Variants in ATXN7L1 observed in about 807,000 individuals in gnomAD.
ATXN7L1 encodes the protein ataxin-7-like protein 1.
ATXN7L1 carries 15 observed loss-of-function variants against 70.8 expected under a neutral mutation model. That is an observed-to-expected ratio of 0.21 (90% CI 0.14 to 0.33). The LOEUF (loss-of-function observed/expected upper bound fraction) is 0.33. Ranked by LOEUF, ATXN7L1 falls within the 10% of genes least tolerant of loss-of-function variation. The probability of loss-of-function intolerance (pLI) is 1.00; values close to 1 mark genes in which losing one functional copy is unlikely to be tolerated. For synonymous variants in ATXN7L1, 440 were observed against 445.1 expected, an observed-to-expected ratio of 0.99 and a Z score of 0.14; for missense variants, 975 against 1,097.1, an observed-to-expected ratio of 0.89 and a Z score of 1.57.
At chr7:105,747,970 T>C (rs142675131) in intron 3 of ATXN7L1, among the ~76,000 whole-genome samples, 3,990 of 152,096 alleles carry the variant, frequency 0.026, 75 homozygotes, top group Non-Finnish European at 0.039. Flanking sequence ...AAATACAAAA[T>C]TAGCCAGGTG....
At chr7:105,801,987 GA>G (rs781775849) in intron 2 of ATXN7L1, among the ~76,000 whole-genome samples, 32 of 152,154 alleles carry the variant, frequency 2.1e-4, no homozygotes, top group South Asian at 8.3e-4. Flanking sequence ...TAGGTCCGGG[GA>G]AGGTTTGGGG....
At chr7:105,769,620 C>G (rs1206030839) in intron 3 of ATXN7L1, among the ~76,000 whole-genome samples, 1 of 152,086 alleles carries the variant, frequency 6.6e-6, no homozygotes, top group Non-Finnish European at 1.5e-5. Flanking sequence ...TAAGGGATTT[C>G]CCAGGACAAG....
chr7:105,834,679 T>G (rs953883912), intron 2 of ATXN7L1, among the ~76,000 whole-genome samples: 24 of 152,192 alleles, frequency 1.6e-4, no homozygotes, highest in African/African-American at 5.5e-4. Flanking sequence ...AGAGAGCAAC[T>G]GCTTTGCTCT....
At chr7:105,717,786 G>T (rs900863839) in intron 3 of ATXN7L1, among the ~76,000 whole-genome samples, 2 of 152,082 alleles carry the variant, frequency 1.3e-5, no homozygotes, top group Non-Finnish European at 2.9e-5. Context: ...TGTAACTTTT[G>T]TTCTTAACTG....
At chr7:105,663,678 T>G (rs1802061799) in intron 4 of ATXN7L1, among the ~76,000 whole-genome samples, 1 of 152,226 alleles carries the variant, frequency 6.6e-6, no homozygotes, top group African/African-American at 2.4e-5. Context: ...GTTTTAAGTT[T>G]GGTTTCCTAG....
intron 3 of ATXN7L1, among the ~76,000 whole-genome samples, chr7:105,682,267 T>C (rs1199784109): frequency 3.3e-5 from 5 of 152,060 alleles, no homozygotes; most frequent in Non-Finnish European, 5.9e-5. Flanking sequence ...AGGATGGTGG[T>C]GATGGTTGCA....
intron 3 of ATXN7L1, among the ~76,000 whole-genome samples, chr7:105,695,120 C>G (rs1204148903): frequency 6.6e-6 from 1 of 151,762 alleles, no homozygotes; most frequent in African/African-American, 2.4e-5. Flanking sequence ...CATTGCATCT[C>G]TACTAAAAAT....
intron 4 of ATXN7L1, among the ~76,000 whole-genome samples, chr7:105,656,563 TTTC>T (rs939254954): frequency 5.4e-5 from 8 of 147,834 alleles, no homozygotes; most frequent in Middle Eastern, 3.5e-3. Context: ...TGTTTTCCCC[TTTC>T]TTCTTCTTCC....
rs1454350099 is a variant in ATXN7L1, at chr7:105,694,016, GA to G, written c.356-28729del. Reference sequence around the variant, plus strand: ...GAGGAGGGTGGAAGGGATGCAGCAAGAGAGAAGTTTCAGGTCCTGAGGGAGA... The same window carrying G: ...GAGGAGGGTGGAAGGGATGCAGCAAGGAGAAGTTTCAGGTCCTGAGGGAGA... On this transcript the variant is annotated intron_variant, in intron 3 of 11. Transcript: ENST00000419735. 5.3e-5 allele frequency among the ~76,000 whole-genome samples: 8 copies of G among 151,834 alleles called. No homozygotes were observed. In the East Asian group the frequency reaches 1.4e-3, roughly 26 times the overall value.
At chr7:105,731,521 G>A (rs1245015895) in intron 3 of ATXN7L1, among the ~76,000 whole-genome samples, 1 of 146,008 alleles carries the variant, frequency 6.8e-6, no homozygotes, top group Admixed American at 7.2e-5. Flanking sequence ...TGCAACCTCC[G>A]CGTCCTGGGT....
chr7:105,790,606 TTATCTATCTATCTATC>T (rs55703123), intron 2 of ATXN7L1, among the ~76,000 whole-genome samples: 8 of 133,556 alleles, frequency 6.0e-5, no homozygotes, highest in Admixed American at 1.5e-4. Context: ...AAGAAAAAAA[TTATCTATCTATCTATC>T]TATCTATCTA....
chr7:105,868,911 C>T (rs1817862992), intron 2 of ATXN7L1, among the ~76,000 whole-genome samples: 1 of 152,182 alleles, frequency 6.6e-6, no homozygotes, highest in Non-Finnish European at 1.5e-5. Flanking sequence ...ATTCTAGCTT[C>T]CTGTTGTGGA....
In ATXN7L1 at chr7:105,645,268, TACC is replaced by T. The variant is rs975777101; in HGVS notation, c.579-2150_579-2148del. The stretch of plus-strand genomic sequence containing the variant: ...GGTAAATTTTATGTTATGCTTATTT[TACC>T]ACAATTAAAAATGTTTTACATGTAC... On this transcript the variant is annotated intron_variant, in intron 4 of 11. Coordinates refer to ENST00000419735, the MANE Select transcript of ATXN7L1 (RefSeq NM_020725.2). Among the ~76,000 whole-genome samples the T allele has an allele frequency of 2.4e-3, 373 of 152,324 alleles. 2 individuals carry two copies. The highest frequency in any genetic ancestry group is 8.7e-3 in the African/African-American group (360 of 41,574).
intron 2 of ATXN7L1, among the ~76,000 whole-genome samples, chr7:105,863,190 C>T (rs372105459): frequency 9.8e-5 from 15 of 152,308 alleles, no homozygotes; most frequent in Non-Finnish European, 2.1e-4. Flanking sequence ...CCTGGAGTTG[C>T]TTGGCAACCA....
At chr7:105,670,618 G>GA (rs778982406) in intron 3 of ATXN7L1, among the ~76,000 whole-genome samples, 17 of 151,672 alleles carry the variant, frequency 1.1e-4, no homozygotes, top group Non-Finnish European at 2.1e-4. Context: ...ACATGGCGCA[G>GA]ATTATTTAGC....
chr7:105,776,493 ACC>A (rs33932326), intron 3 of ATXN7L1, among the ~76,000 whole-genome samples: 2,027 of 143,912 alleles, frequency 0.014, 48 homozygotes, highest in East Asian at 0.11. Flanking sequence ...CAAACAAACA[ACC>A]CCCCCCCCAA....
In ATXN7L1 at chr7:105,676,283, G is replaced by A. The variant is rs1330213287; in HGVS notation, c.356-10995C>T. 2.0e-5 allele frequency among the ~76,000 whole-genome samples: 3 copies of A among 152,280 alleles called. No homozygotes were observed. In the East Asian group the frequency reaches 5.8e-4, roughly 29 times the overall value. On this transcript the variant is annotated intron_variant, in intron 3 of 11. Coordinates refer to ENST00000419735, the MANE Select transcript of ATXN7L1 (RefSeq NM_020725.2). The stretch of plus-strand genomic sequence containing the variant: ...CATGGCACTGAACTTCTCCATCAGA[G>A]TAGCCCCCTCCAAAACCACAAACAC...
chr7:105,617,151 T>C (rs1794033351), intron 9 of ATXN7L1, among the ~76,000 whole-genome samples: 1 of 152,098 alleles, frequency 6.6e-6, no homozygotes, highest in African/African-American at 2.4e-5. Flanking sequence ...CTCAGCCTCC[T>C]GAGTAGCTGG....
intron 3 of ATXN7L1, among the ~76,000 whole-genome samples, chr7:105,729,736 CTTT>C (rs55774943): frequency 7.7e-6 from 1 of 129,528 alleles, no homozygotes. Flanking sequence ...GGCACCACTT[CTTT>C]TTTTTTTTTT....
Sources: gnomAD v4.1 joint callset for allele counts (sites outside exome capture counted in the v4.1 genomes callset) on GRCh38, gnomAD v4.1.1 for gene constraint, MANE v1.5 for transcripts, NCBI Gene and HGNC (gene_info 2026-07-23, HGNC 2026-07-21) for gene names.